The following FNDC5 variants were observed in gnomAD, a reference collection of about 807,000 sequenced individuals.
FNDC5 encodes fibronectin type III domain-containing protein 5.
In FNDC5, 10 loss-of-function variants were observed where a neutral mutation model predicts 24.6. The observed-to-expected ratio is 0.41, with a 90% CI of 0.25 to 0.69. FNDC5 has a LOEUF of 0.69. Among genes scored for constraint, FNDC5 ranks in the 30% least tolerant of loss-of-function variants. The pLI is 0.34. For synonymous variants in FNDC5, 90 were observed against 110.7 expected (o/e 0.81, Z 1.18); for missense variants, 226 against 282.9 (o/e 0.80, Z 1.44).
At position 32,863,763 on chromosome 1, in the gene FNDC5, G is replaced by A; in HGVS notation, c.*531C>T. The A allele has an allele frequency of 7.7e-7, 1 of 1,304,644 alleles. No individual in the cohort carries two copies. Among genetic ancestry groups the A allele is most frequent in the South Asian group, 1.2e-5 (1 of 81,030 alleles). The allele number at this position is 1,304,644 out of a possible 1,614,324, so 80.8% of individuals were successfully genotyped here. ...TCACGCTTCAATGATGTTCACTGAGGGCTTGTTTGGAAACTGGGAGGAAAA... is the reference window on the plus strand; with the variant it reads ...TCACGCTTCAATGATGTTCACTGAGAGCTTGTTTGGAAACTGGGAGGAAAA... On this transcript the variant is annotated 3_prime_UTR_variant, in exon 6 of 6. Transcript: ENST00000373471.
rs1488848545 is a variant in FNDC5 at position 32,868,601 on chromosome 1, C to T, written c.211-213G>A. 1.3e-5 allele frequency among the ~76,000 whole-genome samples: 2 copies of T among 152,116 alleles called. No homozygotes were observed. Among genetic ancestry groups the T allele is most frequent in the Non-Finnish European group, 2.9e-5 (2 of 68,010 alleles). ...ATCTAGTAAGCACTGGAGCTAGGTCCTAAATGCAGATGTCTCTGAGATCAA... is the reference window on the plus strand; with the variant it reads ...ATCTAGTAAGCACTGGAGCTAGGTCTTAAATGCAGATGTCTCTGAGATCAA... On this transcript the variant is annotated intron_variant, in intron 2 of 5. Coordinates refer to ENST00000373471, the MANE Select transcript of FNDC5 (RefSeq NM_153756.3). The surrounding 1 kb of genome is among the most constrained non-coding windows in gnomAD (Gnocchi z 4.8).
At position 32,862,296 on chromosome 1, in the gene FNDC5, A is replaced by G. The variant is rs900670632; in HGVS notation, c.*1998T>C. The G allele has an allele frequency of 2.0e-5, 3 of 152,632 alleles. No individual in the cohort carries two copies. The highest frequency in any genetic ancestry group is 7.2e-5 in the African/African-American group (3 of 41,448). The allele number at this position is 152,632 out of a possible 1,614,324, so 9.5% of individuals were successfully genotyped here. A position where few individuals can be genotyped will look rare whatever the true frequency, so the allele number is the denominator to read the frequency against. ...CTTTTCATTTGTCTTTTTATTTTAC[A>G]TTTAAAAAGTGGTTATTGCTCTAAG... On this transcript the variant is annotated 3_prime_UTR_variant, in exon 6 of 6. Transcript: ENST00000373471.
chr1:32,869,355 G>A (rs1471593611), intron 1 of FNDC5, among the ~76,000 whole-genome samples: 5 of 152,236 alleles, frequency 3.3e-5, no homozygotes, highest in Non-Finnish European at 7.3e-5. Context: ...GAAACTGAAG[G>A]TTAGCTGATG....
At chr1:32,872,005 A>C (rs1038264201), upstream of FNDC5, among the ~76,000 whole-genome samples, 5 of 152,198 alleles carry the variant, frequency 3.3e-5, no homozygotes, top group African/African-American at 1.2e-4. Context: ...TGGGTCTTAA[A>C]GGTTTTCCAG....
chr1:32,863,758 C>A lies in FNDC5; in HGVS notation c.*536G>T. ...GGCAGTCACGCTTCAATGATGTTCA[C>A]TGAGGGCTTGTTTGGAAACTGGGAG... On this transcript the variant is annotated 3_prime_UTR_variant, in exon 6 of 6. Transcript: ENST00000373471. The A allele has an allele frequency of 1.5e-6, 2 of 1,304,598 alleles. No individual in the cohort carries two copies. The highest frequency in any genetic ancestry group is 2.0e-6 in the Non-Finnish European group (2 of 989,056). 80.8% of individuals were successfully genotyped at this position (1,304,598 alleles called of 1,614,324 possible). A position where few individuals can be genotyped will look rare whatever the true frequency, so the allele number is the denominator to read the frequency against.
At position 32,867,772 on chromosome 1, in the gene FNDC5, C is replaced by G. The variant is rs775260802; in HGVS notation, c.480G>C (p.Val160=). 3 of 1,613,962 alleles carry G rather than the reference C, an allele frequency of 1.9e-6. No homozygotes were observed. In the South Asian group the frequency reaches 3.3e-5, roughly 18 times the overall value. Residue 160 remains valine (V), a synonymous_variant, in exon 4 of 6, where the codon GTG becomes GTC. Transcript: ENST00000373471. Reference sequence around the variant, plus strand: ...ACTCACCTGCCCACATGAACAGGACCACGACGATGATCAGCACCTCGCCTG... The same window carrying G: ...ACTCACCTGCCCACATGAACAGGACGACGACGATGATCAGCACCTCGCCTG...
chr1:32,867,706 T>C (rs1641097693), intron 4 of FNDC5, 47 bp downstream of exon 4: 1 of 1,578,716 alleles, frequency 6.3e-7, no homozygotes, highest in Non-Finnish European at 8.7e-7. Context: ...GAGTCCTCCA[T>C]TTCCCAGAAT....
At chr1:32,871,633 G>C (rs1457728564), upstream of FNDC5, among the ~76,000 whole-genome samples, 1 of 152,176 alleles carries the variant, frequency 6.6e-6, no homozygotes, top group Non-Finnish European at 1.5e-5. Flanking sequence ...GCTTGGACAG[G>C]CTACTTGACT....
At chr1:32,870,128 G>A (rs1437520163) in intron 1 of FNDC5, among the ~76,000 whole-genome samples, 1 of 152,052 alleles carries the variant, frequency 6.6e-6, no homozygotes, top group African/African-American at 2.4e-5. Flanking sequence ...GGGCAAGGAC[G>A]GGCCGGCCCC....
chr1:32,864,122 A>G lies in FNDC5; in HGVS notation c.*172T>C, dbSNP rs899772580. The G allele has an allele frequency of 1.3e-5, 20 of 1,526,654 alleles. No individual in the cohort carries two copies. The highest frequency in any genetic ancestry group is 1.6e-5 in the Non-Finnish European group (18 of 1,138,408). 94.6% of individuals were successfully genotyped at this position (1,526,654 alleles called of 1,614,324 possible). A position where few individuals can be genotyped will look rare whatever the true frequency, so the allele number is the denominator to read the frequency against. On this transcript the variant is annotated 3_prime_UTR_variant, in exon 6 of 6. Transcript: ENST00000373471. ...GAGATGGGAGTTAATAAGAGGCTTC[A>G]GGAAAGTGCGCCAGAGAGAGGACAG...
At position 32,862,649 on chromosome 1, in the gene FNDC5, C is replaced by G. The variant is rs1290154450; in HGVS notation, c.*1645G>C. 6.5e-6 allele frequency: 1 copy of G among 152,678 alleles called. No individual in the cohort carries two copies. The highest frequency in any genetic ancestry group is 1.5e-5 in the Non-Finnish European group (1 of 68,058). 9.5% of individuals were successfully genotyped at this position (152,678 alleles called of 1,614,324 possible). Reference sequence around the variant, plus strand: ...ATATTTACTGAGTACCAGGCTTGCACTAGGTGTGGTTCTCCCACACCCATC... The same window carrying G: ...ATATTTACTGAGTACCAGGCTTGCAGTAGGTGTGGTTCTCCCACACCCATC... On this transcript the variant is annotated 3_prime_UTR_variant, in exon 6 of 6. Coordinates refer to ENST00000373471, the MANE Select transcript of FNDC5 (RefSeq NM_153756.3).
At chr1:32,866,464 A>G (rs1641072654) in intron 4 of FNDC5, among the ~76,000 whole-genome samples, 1 of 152,176 alleles carries the variant, frequency 6.6e-6, no homozygotes, top group Non-Finnish European at 1.5e-5. Context: ...CTTGGATTGC[A>G]GCTGCCCTGA....
In FNDC5 at chr1:32,868,157, A is replaced by C; in HGVS notation, c.409+33T>G. 1.2e-6 allele frequency: 2 copies of C among 1,609,210 alleles called. No individual in the cohort carries two copies. The highest frequency in any genetic ancestry group is 1.3e-5 in the African/African-American group (1 of 74,810). ...TCTGGTCCTGACCACCCCTCACCCC[A>C]CCCCATTCCTCTTAACAGTGACCCG... On this transcript the variant is annotated intron_variant, in intron 3 of 5. Coordinates refer to ENST00000373471, the MANE Select transcript of FNDC5 (RefSeq NM_153756.3). The surrounding 1 kb of genome is among the most constrained non-coding windows in gnomAD (Gnocchi z 4.8).
At chr1:32,867,972 G>T in intron 3 of FNDC5, 130 bp from the exon 4 acceptor site, 1 of 1,050,448 alleles carries the variant, frequency 9.5e-7, no homozygotes, top group Admixed American at 2.1e-5. Context: ...AGAATGCACT[G>T]ATGGCTACTT....
chr1:32,870,045 C>T (rs907646651), intron 1 of FNDC5, among the ~76,000 whole-genome samples: 2 of 152,070 alleles, frequency 1.3e-5, no homozygotes, highest in Non-Finnish European at 2.9e-5. Flanking sequence ...AGAGCGCTCC[C>T]CGAGCCACGG....
intron 1 of FNDC5, among the ~76,000 whole-genome samples, chr1:32,869,307 A>G (rs548818993): frequency 6.6e-6 from 1 of 152,298 alleles, no homozygotes; most frequent in Non-Finnish European, 1.5e-5. Flanking sequence ...GGGTGGTTAG[A>G]GTTGTGGAGA....
In FNDC5 at chr1:32,864,102, G is replaced by A; in HGVS notation, c.*192C>T. The A allele has an allele frequency of 1.3e-6, 2 of 1,504,476 alleles. No homozygotes were observed. Among genetic ancestry groups the A allele is most frequent in the Non-Finnish European group, 1.8e-6 (2 of 1,127,868 alleles). 93.2% of individuals were successfully genotyped at this position (1,504,476 alleles called of 1,614,324 possible). ...ACATTGTTGAGGTGCTTCTGGAGAT[G>A]GGAGTTAATAAGAGGCTTCAGGAAA... On this transcript the variant is annotated 3_prime_UTR_variant, in exon 6 of 6. Transcript: ENST00000373471.
chr1:32,871,911 G>C (rs2148712608), upstream of FNDC5, among the ~76,000 whole-genome samples: 1 of 152,242 alleles, frequency 6.6e-6, no homozygotes, highest in Non-Finnish European at 1.5e-5. Context: ...CATGGACCAG[G>C]GCTCAGGGCC....
intron 4 of FNDC5, among the ~76,000 whole-genome samples, chr1:32,865,752 T>G (rs938096170): frequency 1.3e-5 from 2 of 152,158 alleles, no homozygotes; most frequent in African/African-American, 4.8e-5. Context: ...CCCTGTGCTG[T>G]GCACTGACAT....
Sources: gnomAD v4.1 joint callset for allele counts (sites outside exome capture counted in the v4.1 genomes callset) on GRCh38, gnomAD v4.1.1 for gene constraint, Gnocchi (gnomAD v3.1) non-coding constraint, MANE v1.5 for transcripts, NCBI Gene and HGNC (gene_info 2026-07-23, HGNC 2026-07-21) for gene names.